The following IGFALS variants were observed in gnomAD, a reference collection of about 807,000 sequenced individuals.
The protein encoded by IGFALS is insulin like growth factor binding protein acid labile subunit, also known as insulin-like growth factor-binding protein complex acid labile subunit.
IGFALS carries 2 observed loss-of-function variants against 2.6 expected under a neutral mutation model. The observed-to-expected ratio is 0.77, with a 90% CI of 0.32 to 2.44. IGFALS has a LOEUF of 2.44. IGFALS is among the 30% of genes most tolerant of loss of function. The pLI is 0.11. For missense variants in IGFALS, 996 were observed against 848.7 expected, an observed-to-expected ratio of 1.17 and a Z score of -2.16; for synonymous variants, 519 against 431.9, an observed-to-expected ratio of 1.20 and a Z score of -2.50.
At chr16:1,792,482 C>T (rs563847398) in intron 1 of IGFALS, 81 bp from the exon 2 acceptor site, 79 of 1,456,144 alleles carry the variant, frequency 5.4e-5, no homozygotes, top group African/African-American at 4.4e-4. Context: ...CCGGAAGCGG[C>T]GCTCAGGTGT....
At chr16:1,792,798 G>A (rs901975513) in intron 1 of IGFALS, among the ~76,000 whole-genome samples, 3 of 152,224 alleles carry the variant, frequency 2.0e-5, no homozygotes, top group African/African-American at 7.2e-5. Flanking sequence ...GCCAAGGTCC[G>A]GCCATTTTCA....
At chr16:1,794,818 C>T (rs1340750641), upstream of IGFALS, 3 of 702,122 alleles carry the variant, frequency 4.3e-6, no homozygotes, top group South Asian at 4.4e-5. Flanking sequence ...GGCCCTACCC[C>T]ATCCTCAGCT....
Position 1,791,262 on chromosome 16 carries a change from C to G in IGFALS, c.1156G>C (p.Gly386Arg), listed in dbSNP as rs1411029168. The change falls in exon 2 of 2, where the codon GGC becomes CGC. Residue 386 changes from glycine to arginine, a missense_variant. By Grantham distance (125) the Gly-to-Arg change is moderately radical (BLOSUM62 -2). Transcript: ENST00000215539. Reference sequence around the variant, plus strand: ...TCCAGGTGCAGGCTGTGCAGCTTGCCCAGGCCCCGGAACACCTGCTCCGGA... The same window carrying G: ...TCCAGGTGCAGGCTGTGCAGCTTGCGCAGGCCCCGGAACACCTGCTCCGGA... ...NLPEQVFRGLGKLHSLHLEGS... is the reference protein window; with the variant it reads ...NLPEQVFRGLRKLHSLHLEGS... 1 of 1,609,072 alleles carries G rather than the reference C, an allele frequency of 6.2e-7. No individual in the cohort carries two copies. Among genetic ancestry groups the G allele is most frequent in the Non-Finnish European group, 8.5e-7 (1 of 1,179,904 alleles).
Position 1,791,717 on chromosome 16 carries a change from T to G in IGFALS, c.701A>C (p.Lys234Thr), listed in dbSNP as rs776445179. The G allele has an allele frequency of 1.9e-6, 3 of 1,564,046 alleles. No individual in the cohort carries two copies. Among genetic ancestry groups the G allele is most frequent in the South Asian group, 2.3e-5 (2 of 85,732 alleles). ...GGGCAGCTGCACGAACACGTTTGCC[T>G]TGATGGCCCGCAGCGCGTTCCTGCT... The part of the protein sequence containing the change: ...DLSRNALRAI[K>T]ANVFVQLPRL... Residue 234 changes from lysine to threonine, a missense_variant, in exon 2 of 2, where the codon AAG becomes ACG. Physicochemically the swap from Lys to Thr is moderately conservative, Grantham distance 78. Transcript: ENST00000215539.
rs1000147751 is a variant in IGFALS at position 1,793,073 on chromosome 16, G to A, written c.16+564C>T. ...ACAGACCCAGCCAGCAGGCTCCCAA[G>A]CAGCGATGACCCAAAACCTCTACTG... On this transcript the variant is annotated intron_variant, in intron 1 of 1. Coordinates refer to ENST00000215539, the MANE Select transcript of IGFALS (RefSeq NM_004970.3). Among the ~76,000 whole-genome samples, 13 of 152,340 alleles carry A rather than the reference G, an allele frequency of 8.5e-5. 2 individuals carry two copies. Among genetic ancestry groups the A allele is most frequent in the Admixed American group, 7.8e-4 (12 of 15,314 alleles).
In IGFALS at chr16:1,791,673, G is replaced by A. The variant is rs1281972703; in HGVS notation, c.745C>T (p.Leu249=). Reference sequence around the variant, plus strand: ...ACGGCAGCGATGAGGTTGCGGTCCAGGTAGAGTTTCTGGAGCCGGGGCAGC... The same window carrying A: ...ACGGCAGCGATGAGGTTGCGGTCCAAGTAGAGTTTCTGGAGCCGGGGCAGC... The part of the protein sequence containing the change: ...VQLPRLQKLY[L]DRNLIAAVAP... Residue 249 remains leucine (L), a synonymous_variant, in exon 2 of 2, where the codon CTG becomes TTG. Transcript: ENST00000215539. The A allele has an allele frequency of 6.3e-7, 1 of 1,583,260 alleles. No individual in the cohort carries two copies. Among genetic ancestry groups the A allele is most frequent in the Non-Finnish European group, 8.6e-7 (1 of 1,168,088 alleles).
In IGFALS at chr16:1,791,052, C is replaced by T; in HGVS notation, c.1366G>A (p.Gly456Ser). The change falls in exon 2 of 2, where the codon GGC becomes AGC. Residue 456 changes from glycine (G) to serine (S), a missense_variant. Transcript: ENST00000215539. ...AGCAGGTACTCCAGCTTGCCCAGGCCCTGGAAGAGGCGGTGGGGCAGGTGC... is the reference window on the plus strand; with the variant it reads ...AGCAGGTACTCCAGCTTGCCCAGGCTCTGGAAGAGGCGGTGGGGCAGGTGC... ...LTHLPHRLFQGLGKLEYLLLS... is the reference protein window; with the variant it reads ...LTHLPHRLFQSLGKLEYLLLS... The T allele has an allele frequency of 6.3e-7, 1 of 1,598,652 alleles. No individual in the cohort carries two copies.
chr16:1,794,387 G>A (rs1897291249), upstream of IGFALS, among the ~76,000 whole-genome samples: 1 of 152,196 alleles, frequency 6.6e-6, no homozygotes, highest in African/African-American at 2.4e-5. Flanking sequence ...CGGGGAGTGT[G>A]TGGGGGTGGC....
Position 1,792,251 on chromosome 16 carries a change from A to G in IGFALS, c.167T>C (p.Leu56Pro). 6.2e-7 allele frequency: 1 copy of G among 1,603,194 alleles called. No individual in the cohort carries two copies. The highest frequency in any genetic ancestry group is 8.5e-7 in the Non-Finnish European group (1 of 1,179,724). The change falls in exon 2 of 2, where the codon CTC becomes CCC. Residue 56 changes from leucine to proline, a missense_variant. By Grantham distance (98) the Leu-to-Pro change is moderately conservative. Coordinates refer to ENST00000215539, the MANE Select transcript of IGFALS (RefSeq NM_004970.3). ...GTTCCTGGAGCTGCAGAAGACGCTG[A>G]GCTCATCCGCGTCGTCATCGTAGCT... ...VCSYDDDADELSVFCSSRNLT... is the reference protein window; with the variant it reads ...VCSYDDDADEPSVFCSSRNLT...
Position 1,792,327 on chromosome 16 carries a change from C to T in IGFALS, c.91G>A (p.Gly31Arg), listed in dbSNP as rs766742915. The change falls in exon 2 of 2, where the codon GGA (glycine) becomes AGA (arginine). Residue 31 changes from glycine to arginine, a missense_variant. Transcript: ENST00000215539. ...GPRSLEGADP[G>R]TPGEAEGPAC... is the part of the protein sequence containing the mutation. Reference sequence around the variant, plus strand: ...GGGCCCTCGGCTTCCCCCGGCGTTCCGGGGTCTGCTCCCTCCAGGCTGCGG... The same window carrying T: ...GGGCCCTCGGCTTCCCCCGGCGTTCTGGGGTCTGCTCCCTCCAGGCTGCGG... 20 of 1,595,894 alleles carry T rather than the reference C, an allele frequency of 1.3e-5. No homozygotes were observed. The highest frequency in any genetic ancestry group is 1.3e-5 in the African/African-American group (1 of 74,834).
chr16:1,791,261 C>G lies in IGFALS; in HGVS notation c.1157G>C (p.Gly386Ala), dbSNP rs771872163. The change falls in exon 2 of 2, where the codon GGC becomes GCC. Residue 386 changes from glycine (G) to alanine (A), a missense_variant. Gly to Ala is a moderately conservative substitution (Grantham distance 60). Transcript: ENST00000215539. ...NLPEQVFRGL[G>A]KLHSLHLEGS... ...CTCCAGGTGCAGGCTGTGCAGCTTG[C>G]CCAGGCCCCGGAACACCTGCTCCGG... is the stretch of plus-strand genomic sequence containing the variant. 1 of 1,608,946 alleles carries G rather than the reference C, an allele frequency of 6.2e-7. No homozygotes were observed. Among genetic ancestry groups the G allele is most frequent in the Non-Finnish European group, 8.5e-7 (1 of 1,179,914 alleles).
chr16:1,792,522 T>A (rs1383079152), intron 1 of IGFALS, 121 bp from the exon 2 acceptor site: 1 of 1,431,332 alleles, frequency 7.0e-7, no homozygotes, highest in East Asian at 2.5e-5. Flanking sequence ...CCCGCTGAGA[T>A]GCGAAGAAGC....
At chr16:1,794,175 G>A (rs9930725), upstream of IGFALS, among the ~76,000 whole-genome samples, 26,184 of 152,034 alleles carry the variant, frequency 0.17, 3,760 homozygotes, top group African/African-American at 0.39. Flanking sequence ...CCATCCACCC[G>A]CCCTCCCGGG....
At position 1,790,461 on chromosome 16, in the gene IGFALS, C is replaced by T; in HGVS notation, c.*139G>A. On this transcript the variant is annotated 3_prime_UTR_variant, in exon 2 of 2. Coordinates refer to ENST00000215539, the MANE Select transcript of IGFALS (RefSeq NM_004970.3). The stretch of plus-strand genomic sequence containing the variant: ...TAATTGATGACAGCTGGGGGGGCCG[C>T]CATGCCTTCCACCCCATCAGGCCCT... 6 of 757,982 alleles carry T rather than the reference C, an allele frequency of 7.9e-6. No individual in the cohort carries two copies. The highest frequency in any genetic ancestry group is 1.1e-5 in the Non-Finnish European group (5 of 439,730). The allele number at this position is 757,982 out of a possible 1,614,324, so 47.0% of individuals were successfully genotyped here.
chr16:1,794,216 T>C (rs185919651), upstream of IGFALS, among the ~76,000 whole-genome samples: 2 of 152,202 alleles, frequency 1.3e-5, no homozygotes, highest in Non-Finnish European at 2.9e-5. Context: ...GGAGCTGCCG[T>C]TTGGGCTTCA....
intron 1 of IGFALS, 62 bp from the exon 2 acceptor site, chr16:1,792,463 C>A: frequency 6.8e-7 from 1 of 1,479,570 alleles, no homozygotes; most frequent in Non-Finnish European, 8.9e-7. Context: ...GAGCCTGATA[C>A]CAGCACAGCC....
At position 1,792,416 on chromosome 16, in the gene IGFALS, G is replaced by T; in HGVS notation, c.17-15C>A. 1.3e-6 allele frequency: 2 copies of T among 1,537,544 alleles called. No individual in the cohort carries two copies. Among genetic ancestry groups the T allele is most frequent in the South Asian group, 1.2e-5 (1 of 81,516 alleles). ...GGCCAGGCCTCCTGCGGGGGGAGAG[G>T]CTTGGGGAGGCGGCCCGAGGAGGGC... On this transcript the variant is annotated splice_polypyrimidine_tract_variant and intron_variant, in intron 1 of 1. Coordinates refer to ENST00000215539, the MANE Select transcript of IGFALS (RefSeq NM_004970.3).
At chr16:1,792,927 A>C (rs1263927608) in intron 1 of IGFALS, among the ~76,000 whole-genome samples, 2 of 152,170 alleles carry the variant, frequency 1.3e-5, no homozygotes, top group East Asian at 3.9e-4. Context: ...GCCTGCATCC[A>C]GGCCTTGGTC....
At chr16:1,792,913 A>C (rs1024842211) in intron 1 of IGFALS, among the ~76,000 whole-genome samples, 12 of 152,078 alleles carry the variant, frequency 7.9e-5, no homozygotes, top group African/African-American at 2.9e-4. Context: ...GCGGGGTCTC[A>C]CCTGCCTGCA....
Sources: allele counts gnomAD v4.1 joint callset (sites outside exome capture counted in the v4.1 genomes callset), GRCh38; gene constraint gnomAD v4.1.1; transcripts MANE v1.5; gene names NCBI Gene and HGNC (gene_info 2026-07-23, HGNC 2026-07-21).